MYO1E: variants seen among roughly 807,000 people sequenced by gnomAD.
MYO1E encodes the protein myosin IE, also known as unconventional myosin-Ie.
In MYO1E, 68 loss-of-function variants were observed where a neutral mutation model predicts 151.1. The observed-to-expected ratio is 0.45, with a 90% CI of 0.37 to 0.55. The LOEUF (loss-of-function observed/expected upper bound fraction) is 0.55, where lower values mean the gene tolerates loss of function less well. Ranked by LOEUF, MYO1E falls within the 20% of genes least tolerant of loss-of-function variation. The probability of loss-of-function intolerance (pLI) is 0.00; values close to 1 mark genes in which losing one functional copy is unlikely to be tolerated. For synonymous variants in MYO1E, 601 were observed against 501.7 expected (o/e 1.20, Z -2.64); for missense variants, 1,363 against 1,389.3 (o/e 0.98, Z 0.30).
chr15:59,258,700 A>C (rs549559358), intron 3 of MYO1E, among the ~76,000 whole-genome samples: 1 of 152,240 alleles, frequency 6.6e-6, no homozygotes, highest in South Asian at 2.1e-4. Flanking sequence ...AAAAAGAAAC[A>C]AAATTAGCTG....
At chr15:59,255,716 A>G (rs1469127334) in intron 4 of MYO1E, among the ~76,000 whole-genome samples, 5 of 152,224 alleles carry the variant, frequency 3.3e-5, no homozygotes, top group African/African-American at 1.2e-4. Context: ...AAAAATTGCA[A>G]AAAAATCTCA....
At chr15:59,141,596 C>T (rs1284605994) in intron 26 of MYO1E, among the ~76,000 whole-genome samples, 5 of 151,892 alleles carry the variant, frequency 3.3e-5, no homozygotes, top group Admixed American at 1.3e-4. Context: ...GTCAGGAGTT[C>T]GAGACCAGCC....
At chr15:59,238,722 C>T (rs567553134) in intron 4 of MYO1E, among the ~76,000 whole-genome samples, 6 of 151,934 alleles carry the variant, frequency 3.9e-5, no homozygotes, top group African/African-American at 1.4e-4. Flanking sequence ...CAGGTGTGCA[C>T]CACCATGCCT....
Position 59,180,245 on chromosome 15 carries a change from T to C in MYO1E, c.1905-1708A>G, listed in dbSNP as rs547325515. 4.6e-5 allele frequency among the ~76,000 whole-genome samples: 7 copies of C among 152,336 alleles called. No homozygotes were observed. The South Asian group carries it at 1.2e-3, about 27-fold the overall frequency. ...TTCATATATGTTATAAGGATGTTAA[T>C]TAAAACAAATTAAGCTACACATAAA... On this transcript the variant is annotated intron_variant, in intron 18 of 27. Coordinates refer to ENST00000288235, the MANE Select transcript of MYO1E (RefSeq NM_004998.4).
chr15:59,145,692 T>G (rs2079437280), intron 26 of MYO1E, among the ~76,000 whole-genome samples: 1 of 152,234 alleles, frequency 6.6e-6, no homozygotes, highest in Non-Finnish European at 1.5e-5. Flanking sequence ...GTGCCCAGCC[T>G]ACTTATTTTC....
At chr15:59,160,337 G>A (rs12917329) in intron 24 of MYO1E, among the ~76,000 whole-genome samples, 1 of 6,730 alleles carries the variant, frequency 1.5e-4, no homozygotes, top group Non-Finnish European at 3.7e-4. Flanking sequence ...GAGGTAGTGC[G>A]TGTGTGTGTG....
chr15:59,278,917 C>T (rs2080336925), intron 1 of MYO1E, among the ~76,000 whole-genome samples: 1 of 152,056 alleles, frequency 6.6e-6, no homozygotes, highest in South Asian at 2.1e-4. Context: ...GAAACTGAAG[C>T]TTGGGGTCAT....
At chr15:59,277,147 C>T (rs2140385853) in intron 1 of MYO1E, among the ~76,000 whole-genome samples, 1 of 152,336 alleles carries the variant, frequency 6.6e-6, no homozygotes, top group Non-Finnish European at 1.5e-5. Context: ...CTCTTACAAA[C>T]TTCTACAAAG....
intron 16 of MYO1E, 31 bp from the exon 17 acceptor site, chr15:59,195,598 G>C: frequency 6.3e-7 from 1 of 1,581,104 alleles, no homozygotes; most frequent in African/African-American, 1.3e-5. Flanking sequence ...CAGAATCATG[G>C]AACTTTCTCT....
intron 1 of MYO1E, among the ~76,000 whole-genome samples, chr15:59,321,524 C>A (rs2080626106): frequency 6.6e-6 from 1 of 152,148 alleles, no homozygotes; most frequent in Non-Finnish European, 1.5e-5. Flanking sequence ...AAATCATGTC[C>A]TTTGAAGCAA....
chr15:59,366,615 A>G (rs2080915248), intron 1 of MYO1E, among the ~76,000 whole-genome samples: 1 of 152,188 alleles, frequency 6.6e-6, no homozygotes, highest in African/African-American at 2.4e-5. Context: ...CTTCATTCAC[A>G]TGTACAGTTT....
At chr15:59,184,255 C>A (rs1297826689) in intron 18 of MYO1E, among the ~76,000 whole-genome samples, 1 of 152,160 alleles carries the variant, frequency 6.6e-6, no homozygotes, top group Non-Finnish European at 1.5e-5. Flanking sequence ...GATCCACACA[C>A]CTTGGCCTCC....
intron 1 of MYO1E, among the ~76,000 whole-genome samples, chr15:59,329,101 G>A (rs2080683695): frequency 6.6e-6 from 1 of 152,160 alleles, no homozygotes; most frequent in Non-Finnish European, 1.5e-5. Context: ...CATGACAACA[G>A]TAACAATTAA....
rs751132557 is a variant in MYO1E, at chr15:59,188,234, T to C, written c.1806-18A>G. ...GCTTTACCCTGTGCAAAGGAGAAAA[T>C]GGGGCCTGGACATTACTGGATAATC... On this transcript the variant is annotated intron_variant, in intron 17 of 27. Coordinates refer to ENST00000288235, the MANE Select transcript of MYO1E (RefSeq NM_004998.4). 10 of 1,595,434 alleles carry C rather than the reference T, an allele frequency of 6.3e-6. No homozygotes were observed. The highest frequency in any genetic ancestry group is 8.6e-6 in the Non-Finnish European group (10 of 1,163,478).
intron 22 of MYO1E, among the ~76,000 whole-genome samples, chr15:59,166,527 C>G (rs764741007): frequency 2.6e-5 from 4 of 151,970 alleles, no homozygotes; most frequent in Admixed American, 6.6e-5. Context: ...TTACAAAACA[C>G]CAAGGAAAGT....
intron 1 of MYO1E, among the ~76,000 whole-genome samples, chr15:59,297,457 T>TTTTTTTTTTTTTTTTTTC (rs2080457295): frequency 6.8e-6 from 1 of 146,646 alleles, no homozygotes; most frequent in Non-Finnish European, 1.5e-5. Context: ...TTTTTTTTTT[T>TTTTTTTTTTTTTTTTTTC]TTTTAGTAGG....
chr15:59,327,774 T>G (rs1212198931), intron 1 of MYO1E, among the ~76,000 whole-genome samples: 2 of 152,152 alleles, frequency 1.3e-5, no homozygotes, highest in Admixed American at 1.3e-4. Flanking sequence ...GGCAAAGCTG[T>G]CAGATTCGAT....
intron 25 of MYO1E, among the ~76,000 whole-genome samples, chr15:59,155,927 T>C (rs1678392129): frequency 6.6e-6 from 1 of 152,036 alleles, no homozygotes; most frequent in African/African-American, 2.4e-5. Context: ...TGGAGTACAG[T>C]AGTGCAATCT....
chr15:59,319,631 C>T lies in MYO1E; in HGVS notation c.4-47182G>A, dbSNP rs571413184. Among the ~76,000 whole-genome samples, 3 of 138,892 alleles carry T rather than the reference C, an allele frequency of 2.2e-5. No individual in the cohort carries two copies. The East Asian group carries it at 6.6e-4, about 31-fold the overall frequency. The allele number at this position is 138,892 out of a possible 152,430, so 91.1% of individuals were successfully genotyped here. ...AAAAAACCCCAGAGACAGCCAGGCA[C>T]GGGGGTTCATGCCTGTGATCCCAGC... is the stretch of plus-strand genomic sequence containing the variant. On this transcript the variant is annotated intron_variant, in intron 1 of 27. Transcript: ENST00000288235.
Sources: gnomAD v4.1 joint callset for allele counts (sites outside exome capture counted in the v4.1 genomes callset) on GRCh38, gnomAD v4.1.1 for gene constraint, MANE v1.5 for transcripts, NCBI Gene and HGNC (gene_info 2026-07-23, HGNC 2026-07-21) for gene names.